Variants in HSD17B11 observed in about 807,000 individuals in gnomAD.
HSD17B11 encodes the protein estradiol 17-beta-dehydrogenase 11.
A neutral mutation model predicts 27.8 loss-of-function variants in HSD17B11; 22 were observed. The ratio of observed to expected loss-of-function variants is 0.79; its 90% CI spans 0.56 to 1.13. The LOEUF (loss-of-function observed/expected upper bound fraction) is 1.13. HSD17B11 is among the 50% of genes most tolerant of loss of function. HSD17B11 has a pLI of 0.00. For synonymous variants in HSD17B11, 117 were observed against 132.8 expected (o/e 0.88, Z 0.82); for missense variants, 314 against 351.1 (o/e 0.89, Z 0.84).
At chr4:87,342,497 A>G (rs1468678778) in intron 5 of HSD17B11, among the ~76,000 whole-genome samples, 2 of 152,086 alleles carry the variant, frequency 1.3e-5, no homozygotes, top group African/African-American at 2.4e-5. Flanking sequence ...ACTTGAGCCC[A>G]GGAGTTGGAA....
chr4:87,343,953 G>T (rs1578033643), intron 5 of HSD17B11, among the ~76,000 whole-genome samples: 1 of 152,120 alleles, frequency 6.6e-6, no homozygotes, highest in South Asian at 2.1e-4. Context: ...CTCTCTAGGG[G>T]ACAAAAATCT....
Position 87,340,605 on chromosome 4 carries a change from A to G in HSD17B11, c.697T>C (p.Leu233=), listed in dbSNP as rs183569627. ...TCCTCAGGTTCCAGAGTGGGTCCCAAACTGAAATCAGAGTCAGTCTTCAGA... is the reference window on the plus strand; with the variant it reads ...TCCTCAGGTTCCAGAGTGGGTCCCAGACTGAAATCAGAGTCAGTCTTCAGA... ...TGFIKNPSTS[L]GPTLEPEEVV... is the part of the protein sequence containing the mutation. Residue 233 remains leucine, a splice_region_variant and synonymous_variant, in exon 6 of 7, where the codon TTG becomes CTG. Transcript: ENST00000358290. 22 of 1,602,440 alleles carry G rather than the reference A, an allele frequency of 1.4e-5. No individual in the cohort carries two copies. In the Admixed American group the frequency reaches 3.6e-4, roughly 26 times the overall value.
chr4:87,389,102 A>G (rs79306405), intron 1 of HSD17B11, among the ~76,000 whole-genome samples: 4,431 of 152,216 alleles, frequency 0.029, 223 homozygotes, highest in African/African-American at 0.1. Context: ...CAGAAAACGA[A>G]AGCTCAGATG....
intron 4 of HSD17B11, among the ~76,000 whole-genome samples, chr4:87,360,832 A>G (rs554529033): frequency 2.0e-5 from 3 of 152,232 alleles, no homozygotes; most frequent in African/African-American, 7.2e-5. Flanking sequence ...AGTAAATTGA[A>G]TAACTAGTGG....
chr4:87,353,229 C>T (rs1735319124), intron 5 of HSD17B11, among the ~76,000 whole-genome samples: 1 of 151,802 alleles, frequency 6.6e-6, no homozygotes, highest in Non-Finnish European at 1.5e-5. Context: ...TTATCTCCCT[C>T]AGGTAGATTC....
rs1052276179 is a variant in HSD17B11, at chr4:87,357,433, T to C, written c.558-17A>G. ...TTGCTTGAACTGAAAATAGAGAGTTTACAAAATAATTCAAGAATTCTGAAA... is the reference window on the plus strand; with the variant it reads ...TTGCTTGAACTGAAAATAGAGAGTTCACAAAATAATTCAAGAATTCTGAAA... On this transcript the variant is annotated splice_polypyrimidine_tract_variant and intron_variant, in intron 4 of 6. Coordinates refer to ENST00000358290, the MANE Select transcript of HSD17B11 (RefSeq NM_016245.5). The C allele has an allele frequency of 3.7e-6, 6 of 1,606,064 alleles. No individual in the cohort carries two copies. In the Admixed American group the frequency reaches 8.5e-5, roughly 23 times the overall value.
chr4:87,354,245 A>T (rs552580275), intron 5 of HSD17B11, among the ~76,000 whole-genome samples: 2 of 152,170 alleles, frequency 1.3e-5, no homozygotes, highest in Non-Finnish European at 2.9e-5. Context: ...GCGGCCGTGG[A>T]TCAGCTGTCA....
intron 6 of HSD17B11, among the ~76,000 whole-genome samples, chr4:87,339,369 C>T (rs929973876): frequency 2.6e-5 from 4 of 152,200 alleles, no homozygotes; most frequent in Admixed American, 1.3e-4. Flanking sequence ...GTTTTTTGCT[C>T]TTCGCATCAG....
chr4:87,357,948 AATTTTTT>A (rs1204829008), intron 4 of HSD17B11, among the ~76,000 whole-genome samples: 7 of 97,390 alleles, frequency 7.2e-5, no homozygotes, highest in East Asian at 7.0e-4. Context: ...TCATTAGAGA[AATTTTTT>A]TTTTTTTTTT....
intron 4 of HSD17B11, among the ~76,000 whole-genome samples, chr4:87,357,935 C>A (rs1735417006): frequency 2.3e-5 from 3 of 130,882 alleles, no homozygotes; most frequent in South Asian, 2.6e-4. Context: ...TGTAACTGAA[C>A]ATTCATTAGA....
At chr4:87,343,288 T>G (rs1313932033) in intron 5 of HSD17B11, among the ~76,000 whole-genome samples, 2 of 152,206 alleles carry the variant, frequency 1.3e-5, no homozygotes, top group Non-Finnish European at 2.9e-5. Context: ...CATTAAAATG[T>G]CAGTATGTGG....
chr4:87,369,355 T>C (rs1222891758), intron 4 of HSD17B11, among the ~76,000 whole-genome samples: 1 of 152,102 alleles, frequency 6.6e-6, no homozygotes, highest in Non-Finnish European at 1.5e-5. Flanking sequence ...TCCTTCTTAT[T>C]AGAAATAGTC....
At chr4:87,365,781 A>C (rs1735603300) in intron 4 of HSD17B11, among the ~76,000 whole-genome samples, 1 of 152,088 alleles carries the variant, frequency 6.6e-6, no homozygotes, top group Middle Eastern at 3.2e-3. Context: ...AAGCATGGGA[A>C]TGCGGATTAT....
At chr4:87,382,420 A>T in intron 1 of HSD17B11, 58 bp from the exon 2 acceptor site, 2 of 991,742 alleles carry the variant, frequency 2.0e-6, no homozygotes, top group Non-Finnish European at 3.1e-6. Context: ...TTATATCGAC[A>T]GCTGAAAATA....
intron 2 of HSD17B11, among the ~76,000 whole-genome samples, chr4:87,378,911 TA>T (rs1720031789): frequency 1.5e-4 from 2 of 13,054 alleles, no homozygotes; most frequent in Non-Finnish European, 2.4e-4. Flanking sequence ...TATAAATATA[TA>T]TATATAAATA....
Position 87,337,330 on chromosome 4 carries a change from T to A in HSD17B11, c.849A>T (p.Arg283=). The stretch of plus-strand genomic sequence containing the variant: ...CTGCATCAAACTTAACACTGATTTT[T>A]CGTTTTAAAACTGCCAGGAAACGCT... ...LPERFLAVLK[R]KISVKFDAVI... The change falls in exon 7 of 7, where the codon CGA becomes CGT. Residue 283 remains arginine, a synonymous_variant. Transcript: ENST00000358290. The A allele has an allele frequency of 1.9e-6, 3 of 1,605,188 alleles. No individual in the cohort carries two copies. The highest frequency in any genetic ancestry group is 2.6e-6 in the Non-Finnish European group (3 of 1,173,174).
chr4:87,342,645 G>A lies in HSD17B11; in HGVS notation c.696-2039C>T, dbSNP rs185207734. On this transcript the variant is annotated intron_variant, in intron 5 of 6. Transcript: ENST00000358290. ...ATTTTGAAGTAAAACTGGGACAATT[G>A]AGAAGTATAATATTGTATTTAAAAG... Among the ~76,000 whole-genome samples, 587 of 152,238 alleles carry A rather than the reference G, an allele frequency of 3.9e-3. 3 individuals carry two copies. The highest frequency in any genetic ancestry group is 0.013 in the African/African-American group (545 of 41,554).
In HSD17B11 at chr4:87,378,849, TATATATAAATATATATAA is replaced by T. The variant is rs1720006838; in HGVS notation, c.318+3388_318+3405del. Among the ~76,000 whole-genome samples the T allele has an allele frequency of 2.2e-4, 6 of 26,818 alleles. 2 individuals carry two copies. The Admixed American group carries it at 2.9e-3, about 13-fold the overall frequency. 17.6% of individuals were successfully genotyped at this position (26,818 alleles called of 152,430 possible). A position where few individuals can be genotyped will look rare whatever the true frequency, so the allele number is the denominator to read the frequency against. On this transcript the variant is annotated intron_variant, in intron 2 of 6. Coordinates refer to ENST00000358290, the MANE Select transcript of HSD17B11 (RefSeq NM_016245.5). ...ATATATAAATATATATATATAAATATATATATAAATATATATAAATATATATATATAAATATATATATA... is the reference window on the plus strand; with the variant it reads ...ATATATAAATATATATATATAAATATATATATATATATAAATATATATATA...
intron 5 of HSD17B11, among the ~76,000 whole-genome samples, chr4:87,346,994 A>G (rs1203411872): frequency 6.6e-6 from 1 of 151,876 alleles, no homozygotes; most frequent in African/African-American, 2.4e-5. Flanking sequence ...ATTCCAATAA[A>G]CCCAGATTAT....
Sources: gnomAD v4.1 joint callset for allele counts (sites outside exome capture counted in the v4.1 genomes callset) on GRCh38, gnomAD v4.1.1 for gene constraint, MANE v1.5 for transcripts, NCBI Gene and HGNC (gene_info 2026-07-23, HGNC 2026-07-21) for gene names.